The following GEMIN2 variants were observed in gnomAD, a reference collection of about 807,000 sequenced individuals.
GEMIN2 encodes the protein gem-associated protein 2.
A neutral mutation model predicts 45.8 loss-of-function variants in GEMIN2; 37 were observed. The observed-to-expected ratio is 0.81, with a 90% confidence interval of 0.62 to 1.06. GEMIN2 has a LOEUF of 1.06. Ranked by LOEUF, GEMIN2 falls within the 50% of genes least tolerant of loss-of-function variation. The pLI is 0.00. For missense variants in GEMIN2, 335 were observed against 321.8 expected, an observed-to-expected ratio of 1.04 and a Z score of -0.31; for synonymous variants, 101 against 111.5, an observed-to-expected ratio of 0.91 and a Z score of 0.60.
At chr14:39,122,569 C>A in intron 5 of GEMIN2, 26 bp downstream of exon 5, 1 of 1,193,504 alleles carries the variant, frequency 8.4e-7, no homozygotes, top group Non-Finnish European at 1.2e-6. Flanking sequence ...ATAAACAGAA[C>A]AAAAAGCATT....
rs772850312 is a variant in GEMIN2 at position 39,118,021 on chromosome 14, C to T, written c.245C>T (p.Pro82Leu). 6.2e-7 allele frequency: 1 copy of T among 1,605,412 alleles called. No homozygotes were observed. Among genetic ancestry groups the T allele is most frequent in the Non-Finnish European group, 8.5e-7 (1 of 1,174,184 alleles). The change falls in exon 3 of 10, where the codon CCT becomes CTT. Residue 82 changes from proline (P) to leucine (L), a missense_variant. Pro to Leu is a moderately conservative substitution (Grantham distance 98, BLOSUM62 -3). Coordinates refer to ENST00000308317, the MANE Select transcript of GEMIN2 (RefSeq NM_003616.3). Reference sequence around the variant, plus strand: ...TAGCTTTCAGGATGCCAACCCGCCCCTGAAGGTTATTCCCCAACACTTCAA... The same window carrying T: ...TAGCTTTCAGGATGCCAACCCGCCCTTGAAGGTTATTCCCCAACACTTCAA... ...NISLSGCQPA[P>L]EGYSPTLQWQ...
chr14:39,133,643 TTC>T lies in GEMIN2; in HGVS notation c.712-16_712-15del, dbSNP rs749976059. ...ATAGGAACAGACAATATTTAAATTT[TTC>T]TTTTTTTTTTTTTAGGATAGCAAAG... On this transcript the variant is annotated splice_polypyrimidine_tract_variant and intron_variant, in intron 8 of 9. Transcript: ENST00000308317. 19 of 1,387,564 alleles carry T rather than the reference TTC, an allele frequency of 1.4e-5. No homozygotes were observed. In the African/African-American group the frequency reaches 1.8e-4, roughly 13 times the overall value. The allele number at this position is 1,387,564 out of a possible 1,614,324, so 86.0% of individuals were successfully genotyped here. A position where few individuals can be genotyped will look rare whatever the true frequency, so the allele number is the denominator to read the frequency against.
At chr14:39,120,752 C>G in intron 4 of GEMIN2, among the ~76,000 whole-genome samples, 1 of 152,148 alleles carries the variant, frequency 6.6e-6, no homozygotes, top group Non-Finnish European at 1.5e-5. Context: ...CTCAGCCTCC[C>G]AAGTAGCTGG....
chr14:39,127,845 G>A (rs892496971), intron 6 of GEMIN2, among the ~76,000 whole-genome samples: 11 of 152,002 alleles, frequency 7.2e-5, no homozygotes, highest in Admixed American at 2.6e-4. Flanking sequence ...CGAGGAGGGC[G>A]GATCACCTGA....
chr14:39,133,647 T>C lies in GEMIN2; in HGVS notation c.712-14T>C. On this transcript the variant is annotated splice_polypyrimidine_tract_variant and intron_variant, in intron 8 of 9. Transcript: ENST00000308317. Reference sequence around the variant, plus strand: ...GAACAGACAATATTTAAATTTTTCTTTTTTTTTTTTTAGGATAGCAAAGAT... The same window carrying C: ...GAACAGACAATATTTAAATTTTTCTCTTTTTTTTTTTAGGATAGCAAAGAT... 3 of 997,420 alleles carry C rather than the reference T, an allele frequency of 3.0e-6. No individual in the cohort carries two copies. The highest frequency in any genetic ancestry group is 4.1e-6 in the Non-Finnish European group (3 of 730,212). The allele number at this position is 997,420 out of a possible 1,614,324, so 61.8% of individuals were successfully genotyped here.
Position 39,118,017 on chromosome 14 carries a change from G to A in GEMIN2, c.241G>A (p.Ala81Thr), listed in dbSNP as rs769480006. The A allele has an allele frequency of 1.6e-5, 25 of 1,600,490 alleles. No individual in the cohort carries two copies. The highest frequency in any genetic ancestry group is 2.3e-5 in the East Asian group (1 of 44,238). Reference protein sequence around the residue: ...VNISLSGCQPAPEGYSPTLQW... With the variant: ...VNISLSGCQPTPEGYSPTLQW... ...TCTCTAGCTTTCAGGATGCCAACCC[G>A]CCCCTGAAGGTTATTCCCCAACACT... Residue 81 changes from alanine to threonine, a missense_variant, in exon 3 of 10, where the codon GCC becomes ACC. Physicochemically the swap from Ala to Thr is moderately conservative, Grantham distance 58. Coordinates refer to ENST00000308317, the MANE Select transcript of GEMIN2 (RefSeq NM_003616.3).
At chr14:39,135,359 G>A (rs2052768895) in intron 9 of GEMIN2, among the ~76,000 whole-genome samples, 1 of 152,138 alleles carries the variant, frequency 6.6e-6, no homozygotes, top group Admixed American at 6.5e-5. Flanking sequence ...GCCAAGGCGG[G>A]TGGATCACCT....
Position 39,128,361 on chromosome 14 carries a change from G to A in GEMIN2, c.600+13G>A, listed in dbSNP as rs1171826404. 2.7e-6 allele frequency: 4 copies of A among 1,478,534 alleles called. No homozygotes were observed. Among genetic ancestry groups the A allele is most frequent in the South Asian group, 2.3e-5 (2 of 85,882 alleles). 91.6% of individuals were successfully genotyped at this position (1,478,534 alleles called of 1,614,324 possible). ...TACTCCAGAATTGGTAGTATTGCAT[G>A]TTTTTCTTTTCATAATGTAGGCAAA... On this transcript the variant is annotated intron_variant, in intron 7 of 9. Transcript: ENST00000308317.
intron 6 of GEMIN2, among the ~76,000 whole-genome samples, chr14:39,126,779 T>G (rs2052647197): frequency 1.3e-5 from 2 of 148,850 alleles, no homozygotes; most frequent in Admixed American, 1.3e-4. Context: ...TTTTGTTTTG[T>G]TTTTTGAGAG....
At chr14:39,131,936 A>C in intron 7 of GEMIN2, 22 bp from the exon 8 acceptor site, 1 of 1,168,588 alleles carries the variant, frequency 8.6e-7, no homozygotes, top group Non-Finnish European at 1.3e-6. Context: ...TCTAAATATT[A>C]ATTTTTTGAA....
intron 4 of GEMIN2, 42 bp from the exon 5 acceptor site, chr14:39,122,388 T>C: frequency 9.7e-7 from 1 of 1,027,508 alleles, no homozygotes; most frequent in Non-Finnish European, 1.5e-6. Flanking sequence ...AGTGTAAAAA[T>C]TAATACACAG....
intron 9 of GEMIN2, among the ~76,000 whole-genome samples, chr14:39,135,913 A>G (rs2052775812): frequency 6.6e-6 from 1 of 151,488 alleles, no homozygotes; most frequent in African/African-American, 2.4e-5. Context: ...CTTTTCATTC[A>G]TTGTTTCTTT....
chr14:39,128,257 C>G, intron 6 of GEMIN2, 23 bp from the exon 7 acceptor site: 1 of 1,361,112 alleles, frequency 7.3e-7, no homozygotes, highest in East Asian at 2.3e-5. Flanking sequence ...CAACTCTTCT[C>G]CACCCCCTCT....
intron 4 of GEMIN2, 105 bp from the exon 5 acceptor site, chr14:39,122,325 G>T (rs889671529): frequency 1.3e-5 from 8 of 628,712 alleles, no homozygotes; most frequent in Non-Finnish European, 2.3e-5. Context: ...CCGTATCTTT[G>T]GGTTGCGGTA....
At chr14:39,115,664 C>G (rs2052495289) in intron 2 of GEMIN2, among the ~76,000 whole-genome samples, 1 of 151,900 alleles carries the variant, frequency 6.6e-6, no homozygotes, top group South Asian at 2.1e-4. Flanking sequence ...ACCATGTTGT[C>G]CAGTCTGGTC....
At chr14:39,135,126 T>C (rs1333373569) in intron 9 of GEMIN2, among the ~76,000 whole-genome samples, 1 of 134,240 alleles carries the variant, frequency 7.4e-6, no homozygotes, top group Non-Finnish European at 1.7e-5. Context: ...GTATAGTTTC[T>C]GACTGCCTCA....
At chr14:39,125,836 A>G (rs1411673393) in intron 6 of GEMIN2, among the ~76,000 whole-genome samples, 3 of 152,004 alleles carry the variant, frequency 2.0e-5, no homozygotes, top group African/African-American at 7.2e-5. Flanking sequence ...CCTGGCCAAC[A>G]TGGTAAAACC....
At chr14:39,131,885 A>T in intron 7 of GEMIN2, 73 bp from the exon 8 acceptor site, 1 of 759,872 alleles carries the variant, frequency 1.3e-6, no homozygotes, top group Non-Finnish European at 2.3e-6. Context: ...ATCAGGCATA[A>T]CATTGGACAT....
At chr14:39,134,460 T>G (rs1484278906) in intron 9 of GEMIN2, 1 of 152,174 alleles carries the variant, frequency 6.6e-6, no homozygotes, top group Non-Finnish European at 1.5e-5. Flanking sequence ...ATTTTAGGTC[T>G]CCTCCTGGAC....
Sources: allele counts gnomAD v4.1 joint callset (sites outside exome capture counted in the v4.1 genomes callset), GRCh38; gene constraint gnomAD v4.1.1; transcripts MANE v1.5; gene names NCBI Gene and HGNC (gene_info 2026-07-23, HGNC 2026-07-21).